The following RNF41 variants were observed in gnomAD, a reference collection of about 807,000 sequenced individuals.
RNF41 encodes the protein ring finger protein 41, also known as E3 ubiquitin-protein ligase NRDP1.
A neutral mutation model predicts 33.0 loss-of-function variants in RNF41; 4 were observed. The ratio of observed to expected loss-of-function variants is 0.12; its 90% CI spans 0.06 to 0.28. The LOEUF is 0.28. Among genes scored for constraint, RNF41 ranks in the 10% least tolerant of loss-of-function variants. The pLI, the probability that RNF41 is intolerant of heterozygous loss-of-function variation, is 1.00. For missense variants in RNF41, 228 were observed against 432.6 expected (o/e 0.53, Z 4.19); for synonymous variants, 164 against 153.2 (o/e 1.07, Z -0.52).
In RNF41 at chr12:56,210,520, A is replaced by C; in HGVS notation, c.139T>G (p.Phe47Val). The C allele has an allele frequency of 6.2e-7, 1 of 1,614,044 alleles. No individual in the cohort carries two copies. The highest frequency in any genetic ancestry group is 1.1e-5 in the South Asian group (1 of 91,078). Reference protein sequence around the residue: ...AFCNACITQWFSQQQTCPVDR... With the variant: ...AFCNACITQWVSQQQTCPVDR... ...ACTGGACATGTCTGTTGCTGAGAGA[A>C]CCACTGGGTGATGCAGGCGTTGCAG... The change falls in exon 4 of 7, where the codon TTC (phenylalanine) becomes GTC (valine). Residue 47 changes from phenylalanine (F) to valine (V), a missense_variant. By Grantham distance (50) the Phe-to-Val change is conservative. Coordinates refer to ENST00000345093, the MANE Select transcript of RNF41 (RefSeq NM_005785.4).
chr12:56,208,105 C>T (rs1565940907), intron 5 of RNF41, 58 bp downstream of exon 5: 19 of 1,605,852 alleles, frequency 1.2e-5, no homozygotes, highest in Non-Finnish European at 1.5e-5. Flanking sequence ...TTATTACCCA[C>T]AGGCAGGCAG....
intron 1 of RNF41, among the ~76,000 whole-genome samples, chr12:56,216,864 GGC>G (rs1565945547): frequency 6.6e-6 from 1 of 152,196 alleles, no homozygotes; most frequent in Non-Finnish European, 1.5e-5. Flanking sequence ...AGAGAGGCCG[GGC>G]GTGGTGGCTC....
rs1868274982 is a variant in RNF41, at chr12:56,206,831, G to A, written c.603-33C>T. 2 of 1,497,070 alleles carry A rather than the reference G, an allele frequency of 1.3e-6. No homozygotes were observed. Among genetic ancestry groups the A allele is most frequent in the Non-Finnish European group, 1.8e-6 (2 of 1,089,174 alleles). 92.7% of individuals were successfully genotyped at this position (1,497,070 alleles called of 1,614,324 possible). A position where few individuals can be genotyped will look rare whatever the true frequency, so the allele number is the denominator to read the frequency against. ...GAGGTGGTTAAAGATGGTCATTCCA[G>A]CTCATCTCCTTTCTCTGTATTGGCT... On this transcript the variant is annotated intron_variant, in intron 6 of 6. Coordinates refer to ENST00000345093, the MANE Select transcript of RNF41 (RefSeq NM_005785.4). This position sits in a 1 kb window ranked among gnomAD's most constrained non-coding sequence, Gnocchi z 5.7.
intron 1 of RNF41, among the ~76,000 whole-genome samples, chr12:56,218,376 C>T (rs1412939068): frequency 6.6e-6 from 1 of 151,858 alleles, no homozygotes; most frequent in Admixed American, 6.6e-5. Context: ...AATCCTCCCA[C>T]CTCAGTCTCC....
intron 3 of RNF41, 39 bp from the exon 4 acceptor site, chr12:56,210,607 T>C: frequency 6.3e-7 from 1 of 1,575,906 alleles, no homozygotes; most frequent in Non-Finnish European, 8.6e-7. Flanking sequence ...GCAAGGGAAT[T>C]AGCAGGACCT....
intron 6 of RNF41, 62 bp downstream of exon 6, chr12:56,207,584 T>C (rs1868295131): frequency 3.2e-6 from 4 of 1,259,444 alleles, no homozygotes; most frequent in Non-Finnish European, 4.7e-6. Flanking sequence ...TCTCCTGCTC[T>C]TCCTCCTTTC....
At chr12:56,213,852 G>C (rs906634371) in intron 3 of RNF41, 106 bp downstream of exon 3, 5 of 786,614 alleles carry the variant, frequency 6.4e-6, no homozygotes, top group African/African-American at 3.4e-5. Context: ...TGAGGGTGGA[G>C]AGAAGAACAC....
At chr12:56,215,289 T>A (rs117270471) in intron 2 of RNF41, among the ~76,000 whole-genome samples, 2 of 152,176 alleles carry the variant, frequency 1.3e-5, no homozygotes, top group African/African-American at 4.8e-5. Context: ...ACTGAAGGAC[T>A]TAAAAAACAA....
At chr12:56,220,730 CAAAAAAA>C (rs113806744) in intron 1 of RNF41, among the ~76,000 whole-genome samples, 8 of 82,438 alleles carry the variant, frequency 9.7e-5, no homozygotes, top group Non-Finnish European at 1.8e-4. Flanking sequence ...GACTCCGTTT[CAAAAAAA>C]AAAAAAAACA....
intron 1 of RNF41, among the ~76,000 whole-genome samples, chr12:56,218,625 A>G (rs1869090199): frequency 6.6e-6 from 1 of 151,744 alleles, no homozygotes; most frequent in Non-Finnish European, 1.5e-5. Context: ...TGTTGCTTCA[A>G]CTGTCAAGTA....
chr12:56,213,116 G>A, intron 3 of RNF41: 1 of 1,289,536 alleles, frequency 7.8e-7, no homozygotes, highest in South Asian at 1.2e-5. Context: ...AATGCAGAGT[G>A]CATGGCTGTA....
intron 1 of RNF41, among the ~76,000 whole-genome samples, chr12:56,218,100 C>T (rs2135815557): frequency 6.6e-6 from 1 of 152,036 alleles, no homozygotes; most frequent in East Asian, 1.9e-4. Context: ...ATTACAGGCA[C>T]CCACCACCAT....
chr12:56,208,514 C>T (rs964596021), intron 4 of RNF41: 1 of 443,214 alleles, frequency 2.3e-6, no homozygotes, highest in Non-Finnish European at 4.0e-6. Flanking sequence ...ATTTCTTTCC[C>T]CAATCAAGAC....
intron 4 of RNF41, 173 bp from the exon 5 acceptor site, chr12:56,208,471 C>T: frequency 1.8e-6 from 1 of 560,414 alleles, no homozygotes; most frequent in Non-Finnish European, 3.1e-6. Flanking sequence ...GTCCAAGCTT[C>T]CTACTTGCCC....
intron 3 of RNF41, chr12:56,213,005 G>C: frequency 7.8e-7 from 1 of 1,289,700 alleles, no homozygotes; most frequent in Non-Finnish European, 1.0e-6. Context: ...CCTGGTAATC[G>C]TGAGCTTCTC....
chr12:56,211,617 A>T (rs1592353431), intron 3 of RNF41, among the ~76,000 whole-genome samples: 4 of 152,064 alleles, frequency 2.6e-5, no homozygotes, highest in Non-Finnish European at 2.9e-5. Flanking sequence ...ATGGGTCTTG[A>T]AGGATAATTC....
At chr12:56,219,675 G>GCA (rs1869197510) in intron 1 of RNF41, among the ~76,000 whole-genome samples, 1 of 13,160 alleles carries the variant, frequency 7.6e-5, no homozygotes, top group Non-Finnish European at 7.3e-4. Flanking sequence ...GTATATACAC[G>GCA]CGCGCACCCC....
At chr12:56,219,643 ATG>A (rs1565947215) in intron 1 of RNF41, among the ~76,000 whole-genome samples, 4 of 46,070 alleles carry the variant, frequency 8.7e-5, no homozygotes, top group African/African-American at 2.0e-4. Flanking sequence ...AGGTGTATAT[ATG>A]TGTGTGTGTG....
intron 2 of RNF41, among the ~76,000 whole-genome samples, chr12:56,215,554 A>T (rs1592357292): frequency 6.6e-6 from 1 of 151,950 alleles, no homozygotes; most frequent in African/African-American, 2.4e-5. Context: ...CCCCGTCTCT[A>T]CTAAAAATAC....
Sources: allele counts gnomAD v4.1 joint callset (sites outside exome capture counted in the v4.1 genomes callset), GRCh38; gene constraint gnomAD v4.1.1; non-coding constraint Gnocchi (gnomAD v3.1); transcripts MANE v1.5; gene names NCBI Gene and HGNC (gene_info 2026-07-23, HGNC 2026-07-21).